Variants in TARBP1 observed in about 807,000 individuals in gnomAD.
TARBP1 encodes the protein tRNA (guanosine(18)-2'-O)-methyltransferase TARBP1.
TARBP1 carries 144 observed loss-of-function variants against 178.6 expected under a neutral mutation model. The ratio of observed to expected loss-of-function variants is 0.81; its 90% CI spans 0.70 to 0.93. The LOEUF (loss-of-function observed/expected upper bound fraction) is 0.93. Ranked by LOEUF, TARBP1 falls within the 40% of genes least tolerant of loss-of-function variation. TARBP1 has a pLI of 0.00. For missense variants in TARBP1, 2,067 were observed against 2,011.7 expected, an observed-to-expected ratio of 1.03 and a Z score of -0.53; for synonymous variants, 787 against 781.0, an observed-to-expected ratio of 1.01 and a Z score of -0.13.
intron 24 of TARBP1, among the ~76,000 whole-genome samples, 197 bp downstream of exon 24, chr1:234,405,706 G>A (rs899612207): frequency 6.6e-6 from 1 of 152,150 alleles, no homozygotes; most frequent in African/African-American, 2.4e-5. Context: ...AGAGGTCAAG[G>A]TGGAGCTGAC....
In TARBP1 at chr1:234,443,290, CAA is replaced by C. The variant is rs1254089749; in HGVS notation, c.2134+3511_2134+3512del. On this transcript the variant is annotated intron_variant, in intron 12 of 29. Transcript: ENST00000040877. ...GGGAAACAAGAGCGAAACTCCGTCT[CAA>C]AAAAAAAAAAAAAAAATTATGGTTT... Among the ~76,000 whole-genome samples, 178 of 76,230 alleles carry C rather than the reference CAA, an allele frequency of 2.3e-3. 2 individuals carry two copies. The highest frequency in any genetic ancestry group is 6.7e-3 in the African/African-American group (148 of 22,034). 50.0% of individuals were successfully genotyped at this position (76,230 alleles called of 152,430 possible).
At chr1:234,425,979 T>C (rs988750619) in intron 19 of TARBP1, among the ~76,000 whole-genome samples, 186 bp from the exon 20 acceptor site, 1 of 152,188 alleles carries the variant, frequency 6.6e-6, no homozygotes, top group Non-Finnish European at 1.5e-5. Context: ...AATGAATATA[T>C]TACAAGGAGG....
intron 22 of TARBP1, among the ~76,000 whole-genome samples, chr1:234,416,898 T>C (rs1221636548): frequency 1.3e-5 from 2 of 152,104 alleles, no homozygotes; most frequent in Admixed American, 1.3e-4. Context: ...TTTACTATGC[T>C]AAGGAAGTGC....
In TARBP1 at chr1:234,467,570, C is replaced by G. The variant is rs1457252576; in HGVS notation, c.1180G>C (p.Glu394Gln). 6.2e-7 allele frequency: 1 copy of G among 1,608,710 alleles called. No homozygotes were observed. Among genetic ancestry groups the G allele is most frequent in the Non-Finnish European group, 8.5e-7 (1 of 1,178,672 alleles). Residue 394 changes from glutamate to glutamine, a missense_variant, in exon 4 of 30, where the codon GAA (glutamate) becomes CAA (glutamine). Glu to Gln is a conservative substitution (Grantham distance 29, BLOSUM62 2). Coordinates refer to ENST00000040877, the MANE Select transcript of TARBP1 (RefSeq NM_005646.4). ...FESENKILSK[E>Q]GVIHFLELYE... ...AGCTCCAAAAAATGGATAACACCTT[C>G]TTTGGACAGGATTTTGTTTTCACTT...
intron 26 of TARBP1, among the ~76,000 whole-genome samples, chr1:234,394,995 G>A (rs752488576): frequency 3.3e-5 from 5 of 151,720 alleles, no homozygotes; most frequent in Admixed American, 6.6e-5. Context: ...AGGCCAAGGC[G>A]GGAGGATCAC....
At chr1:234,414,183 T>G (rs768075688) in intron 22 of TARBP1, among the ~76,000 whole-genome samples, 9 of 152,190 alleles carry the variant, frequency 5.9e-5, no homozygotes, top group Non-Finnish European at 1.2e-4. Context: ...TCTGCCACGT[T>G]AGCACAAACA....
chr1:234,440,748 C>T (rs935790241), intron 12 of TARBP1, among the ~76,000 whole-genome samples: 1 of 152,146 alleles, frequency 6.6e-6, no homozygotes, highest in Middle Eastern at 3.4e-3. Context: ...TAGTAACACA[C>T]AGTTAAAAAT....
intron 22 of TARBP1, among the ~76,000 whole-genome samples, chr1:234,411,520 A>G (rs1661821321): frequency 6.6e-6 from 1 of 152,230 alleles, no homozygotes; most frequent in Non-Finnish European, 1.5e-5. Context: ...ATAAGTGAAC[A>G]AGAACAAAGA....
chr1:234,392,689 A>T, intron 28 of TARBP1, 137 bp from the exon 29 acceptor site: 2 of 682,758 alleles, frequency 2.9e-6, no homozygotes, highest in Non-Finnish European at 2.2e-6. Context: ...ATAAAAAAGA[A>T]CTCTCCCAAC....
chr1:234,460,569 G>C (rs1191770891), intron 6 of TARBP1, among the ~76,000 whole-genome samples, 173 bp from the exon 7 acceptor site: 1 of 152,182 alleles, frequency 6.6e-6, no homozygotes, highest in Non-Finnish European at 1.5e-5. Context: ...GGGAGGATGT[G>C]GAGAACCCAG....
intron 12 of TARBP1, among the ~76,000 whole-genome samples, chr1:234,443,373 A>G (rs1665798571): frequency 6.6e-6 from 1 of 152,186 alleles, no homozygotes; most frequent in South Asian, 2.1e-4. Flanking sequence ...TCCCAACAGA[A>G]GTGGTACCAG....
At chr1:234,471,054 AT>A in intron 3 of TARBP1, 133 bp downstream of exon 3, 1 of 669,736 alleles carries the variant, frequency 1.5e-6, no homozygotes, top group Non-Finnish European at 2.6e-6. Flanking sequence ...TGGTGGCAGC[AT>A]TACAAGATGA....
chr1:234,454,503 C>A (rs1667097345), intron 9 of TARBP1, among the ~76,000 whole-genome samples: 1 of 152,038 alleles, frequency 6.6e-6, no homozygotes, highest in Admixed American at 6.6e-5. Flanking sequence ...GAAGACCGGC[C>A]ATGAGCAGCA....
chr1:234,447,590 C>A (rs753237238), intron 11 of TARBP1, among the ~76,000 whole-genome samples: 2 of 151,854 alleles, frequency 1.3e-5, no homozygotes, highest in Non-Finnish European at 2.9e-5. Context: ...GACAGGGTCT[C>A]GCTTATTTTC....
chr1:234,474,662 G>C (rs1363804633), intron 1 of TARBP1, among the ~76,000 whole-genome samples: 1 of 152,126 alleles, frequency 6.6e-6, no homozygotes, highest in East Asian at 1.9e-4. Flanking sequence ...CTAGCTTCTG[G>C]GACAATAGAT....
intron 13 of TARBP1, among the ~76,000 whole-genome samples, chr1:234,436,076 C>T (rs1665000558): frequency 6.6e-6 from 1 of 151,722 alleles, no homozygotes; most frequent in East Asian, 1.9e-4. Flanking sequence ...TTAAAACTAT[C>T]ATATATGGAA....
At chr1:234,443,312 T>A (rs1008745211) in intron 12 of TARBP1, among the ~76,000 whole-genome samples, 3 of 150,648 alleles carry the variant, frequency 2.0e-5, no homozygotes, top group Non-Finnish European at 3.0e-5. Flanking sequence ...AAAAAAATTA[T>A]GGTTTGGTTT....
At chr1:234,408,920 T>C (rs147602403) in intron 23 of TARBP1, among the ~76,000 whole-genome samples, 2 of 152,336 alleles carry the variant, frequency 1.3e-5, no homozygotes, top group African/African-American at 4.8e-5. Flanking sequence ...GGTGAACCTG[T>C]TGGGCGGTTA....
At chr1:234,420,866 T>A in intron 20 of TARBP1, 54 bp from the exon 21 acceptor site, 1 of 1,114,278 alleles carries the variant, frequency 9.0e-7, no homozygotes, top group Non-Finnish European at 1.3e-6. Flanking sequence ...AATTTGTGAT[T>A]AATGAAAAAA....
Sources: allele counts gnomAD v4.1 joint callset (sites outside exome capture counted in the v4.1 genomes callset), GRCh38; gene constraint gnomAD v4.1.1; transcripts MANE v1.5; gene names NCBI Gene and HGNC (gene_info 2026-07-23, HGNC 2026-07-21).